MAGI2: variants seen among roughly 807,000 people sequenced by gnomAD.
The protein encoded by MAGI2 is membrane associated guanylate kinase, WW and PDZ domain containing 2, also known as membrane-associated guanylate kinase, WW and PDZ domain-containing protein 2.
Under a neutral mutation model 133.3 loss-of-function variants are expected in MAGI2, and 35 were observed. The observed-to-expected ratio is 0.26, with a 90% CI of 0.20 to 0.35. The LOEUF is 0.35. Among genes scored for constraint, MAGI2 ranks in the 10% least tolerant of loss-of-function variants. The pLI is 1.00. For synonymous variants in MAGI2, 729 were observed against 710.6 expected (o/e 1.03, Z -0.41); for missense variants, 1,636 against 1,863.4 (o/e 0.88, Z 2.25).
intron 1 of MAGI2, among the ~76,000 whole-genome samples, chr7:79,347,884 T>C (rs1027219093): frequency 1.3e-5 from 2 of 151,912 alleles, no homozygotes; most frequent in Non-Finnish European, 2.9e-5. Context: ...TTAAGTAAAA[T>C]TACTAGTGCT....
At chr7:78,402,252 G>T (rs1210460002) in intron 6 of MAGI2, among the ~76,000 whole-genome samples, 2 of 149,372 alleles carry the variant, frequency 1.3e-5, no homozygotes, top group African/African-American at 5.0e-5. Context: ...GCCTACCTGG[G>T]GGGTGTGTGC....
chr7:78,893,000 C>A (rs1323698578), intron 2 of MAGI2, among the ~76,000 whole-genome samples: 1 of 152,062 alleles, frequency 6.6e-6, no homozygotes, highest in African/African-American at 2.4e-5. Context: ...GGCTAATATC[C>A]AGAATCTACA....
chr7:79,348,468 G>A (rs1841472139), intron 1 of MAGI2, among the ~76,000 whole-genome samples: 1 of 151,940 alleles, frequency 6.6e-6, no homozygotes, highest in South Asian at 2.1e-4. Flanking sequence ...TCAGCAACAT[G>A]GTAGGACAAA....
chr7:79,150,551 A>T (rs1301996831), intron 1 of MAGI2, among the ~76,000 whole-genome samples: 2 of 152,224 alleles, frequency 1.3e-5, no homozygotes, highest in Non-Finnish European at 2.9e-5. Context: ...AGAGAACTTT[A>T]TCAATATATT....
At chr7:78,324,920 C>G (rs536889942) in intron 9 of MAGI2, among the ~76,000 whole-genome samples, 2 of 152,064 alleles carry the variant, frequency 1.3e-5, no homozygotes, top group Non-Finnish European at 2.9e-5. Flanking sequence ...GAGCCAAGAT[C>G]GCGCCATTGT....
At chr7:78,069,965 T>C (rs1437897525) in intron 21 of MAGI2, among the ~76,000 whole-genome samples, 1 of 151,856 alleles carries the variant, frequency 6.6e-6, no homozygotes, top group Non-Finnish European at 1.5e-5. Flanking sequence ...CTCTTCTTGA[T>C]GAAGTTTGGG....
At chr7:79,094,624 C>A (rs1039399019) in intron 1 of MAGI2, among the ~76,000 whole-genome samples, 7 of 152,134 alleles carry the variant, frequency 4.6e-5, no homozygotes, top group Admixed American at 3.3e-4. Context: ...TCTTAAATAA[C>A]AAGATGTGGA....
intron 9 of MAGI2, among the ~76,000 whole-genome samples, chr7:78,276,163 C>G (rs576820310): frequency 1.3e-5 from 2 of 152,230 alleles, no homozygotes; most frequent in East Asian, 3.9e-4. Context: ...ATTGCTACAT[C>G]AAAAGTCTGC....
chr7:78,551,822 G>A (rs1271502643), intron 3 of MAGI2, among the ~76,000 whole-genome samples: 2 of 152,220 alleles, frequency 1.3e-5, no homozygotes, highest in Non-Finnish European at 2.9e-5. Flanking sequence ...CTGGCTCACT[G>A]CAGCCTTGAA....
intron 3 of MAGI2, among the ~76,000 whole-genome samples, chr7:78,557,080 CAAA>C (rs796371005): frequency 2.9e-4 from 12 of 40,948 alleles, no homozygotes; most frequent in African/African-American, 1.0e-3. Flanking sequence ...GGCAGAGTCT[CAAA>C]AAAAAAAAAA....
intron 3 of MAGI2, 146 bp downstream of exon 3, chr7:78,626,973 CT>C (rs1215929226): frequency 2.4e-5 from 14 of 575,228 alleles, no homozygotes; most frequent in African/African-American, 2.3e-4. Context: ...TGTATTTTAA[CT>C]TTTTTAGGAT....
At chr7:79,208,100 G>A (rs1330523209) in intron 1 of MAGI2, among the ~76,000 whole-genome samples, 1 of 151,846 alleles carries the variant, frequency 6.6e-6, no homozygotes, top group Non-Finnish European at 1.5e-5. Flanking sequence ...AAAACATAGA[G>A]GAAAACTGCA....
chr7:79,380,147 G>A (rs966488151), intron 1 of MAGI2, among the ~76,000 whole-genome samples: 16 of 151,908 alleles, frequency 1.1e-4, no homozygotes, highest in Admixed American at 1.3e-4. Flanking sequence ...ATTGACAAAT[G>A]GGATCTAATT....
intron 2 of MAGI2, among the ~76,000 whole-genome samples, chr7:78,792,819 A>G (rs1247597505): frequency 6.6e-6 from 1 of 152,252 alleles, no homozygotes; most frequent in African/African-American, 2.4e-5. Context: ...GGCATGAATA[A>G]CAAAGCAGAC....
intron 16 of MAGI2, among the ~76,000 whole-genome samples, chr7:78,156,760 A>G (rs1223740996): frequency 2.0e-5 from 3 of 151,892 alleles, no homozygotes; most frequent in African/African-American, 7.3e-5. Flanking sequence ...TGATGCTCCT[A>G]TCAAAAGCAA....
Position 78,227,560 on chromosome 7 carries a change from C to T in MAGI2, c.2048-26367G>A, listed in dbSNP as rs1047073008. On this transcript the variant is annotated intron_variant, in intron 10 of 21. Transcript: ENST00000354212. ...GTCCACCTTTAATCTCACCTTCAGG[C>T]GATTCTTTTCCTAAGTTCCTCTCAC... Among the ~76,000 whole-genome samples, 10 of 152,140 alleles carry T rather than the reference C, an allele frequency of 6.6e-5. No homozygotes were observed. The East Asian group carries it at 7.7e-4, about 12-fold the overall frequency.
chr7:78,256,470 C>T lies in MAGI2; in HGVS notation c.1520G>A (p.Cys507Tyr). ...PIGQSVNLVLCRGYPLPFDPE... is the reference protein window; with the variant it reads ...PIGQSVNLVLYRGYPLPFDPE... ...ATCAAAGGGCAAAGGGTAGCCACGA[C>T]ACAACACCAGGTTGACACTCTGACC... The change falls in exon 10 of 22, where the codon TGT becomes TAT. Residue 507 changes from cysteine (C) to tyrosine (Y), a missense_variant. By Grantham distance (194) the Cys-to-Tyr change is radical (BLOSUM62 -2). Coordinates refer to ENST00000354212, the MANE Select transcript of MAGI2 (RefSeq NM_012301.4). The T allele has an allele frequency of 6.2e-7, 1 of 1,613,888 alleles. No homozygotes were observed. The highest frequency in any genetic ancestry group is 1.1e-5 in the South Asian group (1 of 91,078).
At chr7:79,360,092 A>G (rs1226856181) in intron 1 of MAGI2, among the ~76,000 whole-genome samples, 1 of 152,202 alleles carries the variant, frequency 6.6e-6, no homozygotes, top group African/African-American at 2.4e-5. Flanking sequence ...ACTGCTCAAG[A>G]ACAATGTTAA....
intron 1 of MAGI2, among the ~76,000 whole-genome samples, chr7:79,104,186 C>G (rs749982244): frequency 1.5e-4 from 23 of 152,134 alleles, no homozygotes; most frequent in Admixed American, 5.9e-4. Context: ...GTAAGGAGCC[C>G]CCTGTCATAC....
Sources: allele counts gnomAD v4.1 joint callset (sites outside exome capture counted in the v4.1 genomes callset), GRCh38; gene constraint gnomAD v4.1.1; transcripts MANE v1.5; gene names NCBI Gene and HGNC (gene_info 2026-07-23, HGNC 2026-07-21).